Variants in SV2C observed in about 807,000 individuals in gnomAD.
SV2C encodes solute carrier family 22 member B3.
Under a neutral mutation model 79.7 loss-of-function variants are expected in SV2C, and 49 were observed. The observed-to-expected ratio is 0.61, with a 90% CI of 0.49 to 0.78. The LOEUF (loss-of-function observed/expected upper bound fraction) is 0.78. Among genes scored for constraint, SV2C ranks in the 30% least tolerant of loss-of-function variants. The pLI, the probability that SV2C is intolerant of heterozygous loss-of-function variation, is 0.00. For missense variants in SV2C, 833 were observed against 912.9 expected (o/e 0.91, Z 1.13); for synonymous variants, 334 against 333.2 (o/e 1.00, Z -0.03).
At chr5:75,939,660 G>A in the SV2C span, among the ~76,000 whole-genome samples, 90 of 152,166 alleles carry the variant, frequency 5.9e-4, 1 homozygote, top group African/African-American at 2.0e-3. Flanking sequence ...CCTTCTCTCC[G>A]TCTAATTGTG....
the SV2C span, among the ~76,000 whole-genome samples, chr5:75,901,517 G>T: frequency 9.9e-5 from 15 of 152,202 alleles, no homozygotes; most frequent in Non-Finnish European, 2.2e-4. Context: ...CTCCCCATTA[G>T]GCTGCTCAGG....
chr5:76,267,221 A>G (rs1051952409), intron 4 of SV2C, among the ~76,000 whole-genome samples: 3 of 152,214 alleles, frequency 2.0e-5, no homozygotes, highest in African/African-American at 4.8e-5. Flanking sequence ...TATTTTTAAA[A>G]TATACCTGGT....
the SV2C span, among the ~76,000 whole-genome samples, chr5:76,046,413 T>A: frequency 3.3e-5 from 5 of 152,128 alleles, no homozygotes; most frequent in Non-Finnish European, 7.4e-5. Flanking sequence ...GACATCCAAT[T>A]GAGTCTTGAA....
the SV2C span, among the ~76,000 whole-genome samples, chr5:76,021,542 G>T: frequency 6.6e-6 from 1 of 152,094 alleles, no homozygotes; most frequent in African/African-American, 2.4e-5. Context: ...TCAGTACCCA[G>T]CAATATGCCT....
chr5:75,988,963 T>C, the SV2C span, among the ~76,000 whole-genome samples: 2 of 151,948 alleles, frequency 1.3e-5, no homozygotes, highest in African/African-American at 2.4e-5. Flanking sequence ...CTTCCCATAG[T>C]TTCCTGCCCT....
At chr5:76,135,138 G>T (rs773466986) in intron 2 of SV2C, among the ~76,000 whole-genome samples, 4 of 152,216 alleles carry the variant, frequency 2.6e-5, no homozygotes, top group African/African-American at 9.7e-5. Flanking sequence ...TTTGCTCATT[G>T]ATTAGCTTCG....
intron 2 of SV2C, among the ~76,000 whole-genome samples, chr5:76,175,051 G>A (rs1194883091): frequency 3.9e-5 from 6 of 152,202 alleles, no homozygotes; most frequent in African/African-American, 1.2e-4. Context: ...CTTGAGAGAG[G>A]CAGAAGGGGA....
At chr5:76,016,395 C>T in the SV2C span, among the ~76,000 whole-genome samples, 1 of 152,030 alleles carries the variant, frequency 6.6e-6, no homozygotes, top group Non-Finnish European at 1.5e-5. Context: ...GAGGGGCAGT[C>T]AACCCAACCA....
chr5:76,174,727 G>A (rs768885629), intron 2 of SV2C, among the ~76,000 whole-genome samples: 6 of 152,176 alleles, frequency 3.9e-5, no homozygotes, highest in East Asian at 3.8e-4. Flanking sequence ...AGCATAGTTC[G>A]TGGACCCCTG....
the SV2C span, among the ~76,000 whole-genome samples, chr5:76,004,603 G>A: frequency 2.0e-5 from 3 of 152,036 alleles, no homozygotes; most frequent in Non-Finnish European, 4.4e-5. Context: ...ATCCTTATCT[G>A]GCAATTAAGC....
intron 4 of SV2C, among the ~76,000 whole-genome samples, chr5:76,250,453 A>C (rs1746079618): frequency 6.6e-6 from 1 of 152,146 alleles, no homozygotes; most frequent in Non-Finnish European, 1.5e-5. Flanking sequence ...CCTCATTTGC[A>C]CTGAATAAGC....
chr5:75,947,287 CT>C, the SV2C span, among the ~76,000 whole-genome samples: 4 of 151,918 alleles, frequency 2.6e-5, no homozygotes, highest in African/African-American at 9.7e-5. Context: ...AAAGAGAAGC[CT>C]CCAAATTATG....
At chr5:75,945,056 C>T in the SV2C span, among the ~76,000 whole-genome samples, 5 of 152,064 alleles carry the variant, frequency 3.3e-5, no homozygotes, top group African/African-American at 9.6e-5. Flanking sequence ...CACTGAGATG[C>T]CCCAGATGTT....
At chr5:75,919,495 G>T in the SV2C span, among the ~76,000 whole-genome samples, 32,997 of 152,072 alleles carry the variant, frequency 0.22, 6,955 homozygotes, top group African/African-American at 0.55. Context: ...TATTATTGCT[G>T]GTTCCCGTAA....
the SV2C span, among the ~76,000 whole-genome samples, chr5:75,864,138 T>G: frequency 6.6e-6 from 1 of 152,236 alleles, no homozygotes; most frequent in Non-Finnish European, 1.5e-5. Context: ...GGTTATGATT[T>G]ATTGGATAAA....
chr5:76,299,143 G>GCAA (rs958020998), intron 10 of SV2C, among the ~76,000 whole-genome samples: 3 of 152,110 alleles, frequency 2.0e-5, no homozygotes, highest in African/African-American at 4.8e-5. Context: ...TCAAAAGTTG[G>GCAA]CAACAACAAC....
At chr5:75,893,141 AT>A in the SV2C span, among the ~76,000 whole-genome samples, 1 of 152,044 alleles carries the variant, frequency 6.6e-6, no homozygotes, top group Admixed American at 6.6e-5. Flanking sequence ...ATGGTATCTC[AT>A]TGTGGTTTTG....
chr5:76,099,397 T>G (rs1747667285), intron 1 of SV2C, among the ~76,000 whole-genome samples: 1 of 151,366 alleles, frequency 6.6e-6, no homozygotes, highest in African/African-American at 2.4e-5. Flanking sequence ...TGTGTGTGTC[T>G]TGTCTTCATG....
At chr5:76,045,469 T>C in the SV2C span, among the ~76,000 whole-genome samples, 1 of 152,180 alleles carries the variant, frequency 6.6e-6, no homozygotes, top group Non-Finnish European at 1.5e-5. Flanking sequence ...GGTCATTTGA[T>C]GGGAATAGCA....
Sources: allele counts gnomAD v4.1 joint callset (sites outside exome capture counted in the v4.1 genomes callset), GRCh38; gene constraint gnomAD v4.1.1; transcripts MANE v1.5; gene names NCBI Gene and HGNC (gene_info 2026-07-23, HGNC 2026-07-21).